The following LRP1B variants were observed in gnomAD, a reference collection of about 807,000 sequenced individuals.
LRP1B encodes low-density lipoprotein receptor-related protein 1B.
In LRP1B, 217 loss-of-function variants were observed where a neutral mutation model predicts 556.6. The ratio of observed to expected loss-of-function variants is 0.39; its 90% CI spans 0.35 to 0.44. The LOEUF (loss-of-function observed/expected upper bound fraction) is 0.44. LRP1B is among the 20% of genes least tolerant of loss of function. LRP1B has a pLI of 1.00. For synonymous variants in LRP1B, 2,047 were observed against 1,865.8 expected (o/e 1.10, Z -2.50); for missense variants, 5,053 against 5,620.8 (o/e 0.90, Z 3.23).
At chr2:141,951,960 A>T (rs1192705333) in intron 1 of LRP1B, among the ~76,000 whole-genome samples, 1 of 151,116 alleles carries the variant, frequency 6.6e-6, no homozygotes, top group African/African-American at 2.4e-5. Context: ...CATCATTTAC[A>T]TTAGGTATTT....
intron 21 of LRP1B, among the ~76,000 whole-genome samples, chr2:140,914,040 T>C (rs991730223): frequency 7.9e-5 from 12 of 152,124 alleles, no homozygotes; most frequent in Admixed American, 2.0e-4. Context: ...AATCTGATTA[T>C]GGTTAAGAAA....
intron 1 of LRP1B, among the ~76,000 whole-genome samples, chr2:141,859,636 GAAGA>G (rs1485406950): frequency 6.6e-6 from 1 of 152,154 alleles, no homozygotes; most frequent in African/African-American, 2.4e-5. Flanking sequence ...CAAATGGCTA[GAAGA>G]AAGAATTTTG....
At chr2:142,102,385 C>T (rs960177326) in intron 1 of LRP1B, among the ~76,000 whole-genome samples, 13 of 151,686 alleles carry the variant, frequency 8.6e-5, no homozygotes, top group Non-Finnish European at 1.2e-4. Flanking sequence ...GAGTTTGTAT[C>T]AGACAAATTC....
chr2:141,411,670 G>A (rs1042501849), intron 3 of LRP1B, among the ~76,000 whole-genome samples: 2 of 152,030 alleles, frequency 1.3e-5, no homozygotes, highest in African/African-American at 2.4e-5. Flanking sequence ...TCCTGCTAAT[G>A]CAGTTGAAAC....
intron 41 of LRP1B, among the ~76,000 whole-genome samples, chr2:140,671,723 C>T (rs1685493336): frequency 6.6e-6 from 1 of 152,146 alleles, no homozygotes; most frequent in Non-Finnish European, 1.5e-5. Flanking sequence ...CCATTCAAAT[C>T]ATCTAGGATA....
In LRP1B at chr2:142,057,318, C is replaced by G. The variant is rs534698430; in HGVS notation, c.82+73330G>C. Reference sequence around the variant, plus strand: ...AAGGCAGTACCTGTGCCTAAACGATCAGAGATCAGGGCCATGAAATCAGCA... The same window carrying G: ...AAGGCAGTACCTGTGCCTAAACGATGAGAGATCAGGGCCATGAAATCAGCA... On this transcript the variant is annotated intron_variant, in intron 1 of 90. Transcript: ENST00000389484. 2.0e-4 allele frequency among the ~76,000 whole-genome samples: 30 copies of G among 152,238 alleles called. No homozygotes were observed. The South Asian group carries it at 5.4e-3, about 27-fold the overall frequency.
chr2:141,945,954 T>TTATG (rs1161184629), intron 1 of LRP1B, among the ~76,000 whole-genome samples: 3 of 150,628 alleles, frequency 2.0e-5, no homozygotes, highest in Admixed American at 6.7e-5. Context: ...ATTTATTTAT[T>TTATG]TATTTATTTA....
chr2:142,074,814 A>G (rs1355943091), intron 1 of LRP1B, among the ~76,000 whole-genome samples: 2 of 152,114 alleles, frequency 1.3e-5, no homozygotes, highest in Non-Finnish European at 2.9e-5. Context: ...CACCTGTCCC[A>G]TAACCACTAC....
chr2:140,594,081 G>A (rs910314571), intron 43 of LRP1B, among the ~76,000 whole-genome samples: 3 of 151,894 alleles, frequency 2.0e-5, no homozygotes, highest in Admixed American at 6.6e-5. Flanking sequence ...GGGTTCAAGC[G>A]ATTCTCCTGC....
intron 2 of LRP1B, among the ~76,000 whole-genome samples, chr2:141,587,510 G>T (rs1397029690): frequency 2.6e-5 from 4 of 152,144 alleles, no homozygotes; most frequent in African/African-American, 9.7e-5. Flanking sequence ...AGAGTGACTG[G>T]TGTACATTAT....
chr2:141,312,164 C>T (rs1686835204), intron 3 of LRP1B, among the ~76,000 whole-genome samples: 1 of 152,096 alleles, frequency 6.6e-6, no homozygotes, highest in African/African-American at 2.4e-5. Context: ...GGCTGTCCTG[C>T]TGCTTCCTTT....
intron 2 of LRP1B, among the ~76,000 whole-genome samples, chr2:141,586,713 C>A (rs967852518): frequency 6.6e-6 from 1 of 151,964 alleles, no homozygotes; most frequent in African/African-American, 2.4e-5. Flanking sequence ...GAGGCCGAGG[C>A]GGGTGGATCA....
intron 6 of LRP1B, among the ~76,000 whole-genome samples, chr2:141,192,648 G>A (rs1382392493): frequency 6.6e-6 from 1 of 151,484 alleles, no homozygotes; most frequent in Non-Finnish European, 1.5e-5. Flanking sequence ...TTCCTTTGAA[G>A]TGGCTCTTAT....
At chr2:140,972,179 T>C (rs2105330710) in intron 18 of LRP1B, among the ~76,000 whole-genome samples, 1 of 152,260 alleles carries the variant, frequency 6.6e-6, no homozygotes, top group South Asian at 2.1e-4. Context: ...GCCACATGCA[T>C]GTAAGAATAA....
intron 66 of LRP1B, among the ~76,000 whole-genome samples, chr2:140,395,717 A>G (rs1684218427): frequency 6.6e-6 from 1 of 152,244 alleles, no homozygotes; most frequent in African/African-American, 2.4e-5. Flanking sequence ...AGGTGAATCT[A>G]TAATAAGCTA....
intron 1 of LRP1B, among the ~76,000 whole-genome samples, chr2:142,032,739 C>T (rs531280517): frequency 3.6e-4 from 55 of 151,868 alleles, no homozygotes; most frequent in African/African-American, 1.3e-3. Context: ...TGTTCAGTTT[C>T]AAAATTTAGG....
chr2:142,100,671 TAAAAG>T lies in LRP1B; in HGVS notation c.82+29972_82+29976del, dbSNP rs965044225. Reference sequence around the variant, plus strand: ...AGTGAAGATAATTGTAAGTGAAAAATAAAAGAAAACTGCATACCTCTGTAAATGAG... The same window carrying T: ...AGTGAAGATAATTGTAAGTGAAAAATAAAACTGCATACCTCTGTAAATGAG... On this transcript the variant is annotated intron_variant, in intron 1 of 90. Transcript: ENST00000389484. Among the ~76,000 whole-genome samples, 4 of 151,890 alleles carry T rather than the reference TAAAAG, an allele frequency of 2.6e-5. No individual in the cohort carries two copies. In the Admixed American group the frequency reaches 2.6e-4, roughly 10 times the overall value.
intron 1 of LRP1B, among the ~76,000 whole-genome samples, chr2:141,909,337 C>A (rs1699841291): frequency 6.6e-6 from 1 of 151,856 alleles, no homozygotes; most frequent in Non-Finnish European, 1.5e-5. Context: ...ACTTCGAGAC[C>A]TAGAAAAAAT....
intron 75 of LRP1B, among the ~76,000 whole-genome samples, chr2:140,354,062 C>T (rs1303708832): frequency 6.6e-6 from 1 of 151,952 alleles, no homozygotes; most frequent in Non-Finnish European, 1.5e-5. Context: ...TATGAAGAGC[C>T]AGGATTGAGG....
Sources: allele counts gnomAD v4.1 joint callset (sites outside exome capture counted in the v4.1 genomes callset), GRCh38; gene constraint gnomAD v4.1.1; transcripts MANE v1.5; gene names NCBI Gene and HGNC (gene_info 2026-07-23, HGNC 2026-07-21).